DENND5A: variants seen among roughly 807,000 people sequenced by gnomAD.
DENND5A encodes DENN domain-containing protein 5A.
A neutral mutation model predicts 140.3 loss-of-function variants in DENND5A; 64 were observed. That is an observed-to-expected ratio of 0.46 (90% CI 0.37 to 0.56). DENND5A has a LOEUF of 0.56. Among genes scored for constraint, DENND5A ranks in the 20% least tolerant of loss-of-function variants. The pLI, the probability that DENND5A is intolerant of heterozygous loss-of-function variation, is 0.00. For synonymous variants in DENND5A, 605 were observed against 607.7 expected (o/e 1.00, Z 0.07); for missense variants, 1,292 against 1,593.8 (o/e 0.81, Z 3.22).
intron 1 of DENND5A, among the ~76,000 whole-genome samples, chr11:9,221,931 A>G (rs1449642057): frequency 3.3e-5 from 5 of 151,616 alleles, no homozygotes; most frequent in Non-Finnish European, 7.4e-5. Context: ...CTAATTTTTT[A>G]TATTTTTAGT....
intron 1 of DENND5A, among the ~76,000 whole-genome samples, chr11:9,254,034 T>C (rs577459004): frequency 1.3e-5 from 2 of 151,776 alleles, no homozygotes; most frequent in East Asian, 3.9e-4. Flanking sequence ...CGCATGCCTA[T>C]AATCCCAGCT....
chr11:9,264,140 G>A (rs1852336483), intron 1 of DENND5A, among the ~76,000 whole-genome samples: 2 of 152,096 alleles, frequency 1.3e-5, no homozygotes, highest in Admixed American at 6.5e-5. Flanking sequence ...CAGTGCAGTG[G>A]AAAATTCACG....
intron 19 of DENND5A, 103 bp downstream of exon 19, chr11:9,143,994 A>G: frequency 7.3e-7 from 1 of 1,362,374 alleles, no homozygotes; most frequent in Non-Finnish European, 1.0e-6. Context: ...TTCCTGAGGC[A>G]GCTGCACAGG....
At chr11:9,203,561 G>A (rs963527620) in intron 4 of DENND5A, 99 bp downstream of exon 4, 20 of 1,402,704 alleles carry the variant, frequency 1.4e-5, no homozygotes, top group Non-Finnish European at 1.1e-5. Context: ...TGCTCAAACT[G>A]TAATAGCTCT....
At chr11:9,169,781 G>T in intron 10 of DENND5A, 75 bp downstream of exon 10, 1 of 971,126 alleles carries the variant, frequency 1.0e-6, no homozygotes, top group Non-Finnish European at 1.7e-6. Context: ...TCAGACCAGA[G>T]AACAGGAAAT....
intron 1 of DENND5A, among the ~76,000 whole-genome samples, chr11:9,247,850 A>G (rs1038274431): frequency 6.6e-6 from 1 of 152,206 alleles, no homozygotes; most frequent in Non-Finnish European, 1.5e-5. Flanking sequence ...TTTCCCCCAC[A>G]AAAGACAGCT....
intron 17 of DENND5A, 44 bp from the exon 18 acceptor site, chr11:9,145,157 G>C (rs568582370): frequency 1.4e-6 from 2 of 1,394,500 alleles, no homozygotes; most frequent in Non-Finnish European, 2.0e-6. Flanking sequence ...GAAAATCAGA[G>C]AAAAGAACAG....
At chr11:9,193,179 G>A (rs991560453) in intron 5 of DENND5A, among the ~76,000 whole-genome samples, 2 of 152,260 alleles carry the variant, frequency 1.3e-5, no homozygotes, top group Middle Eastern at 3.4e-3. Context: ...AGTAAGCTAC[G>A]ATCATGCTAC....
In DENND5A at chr11:9,220,446, C is replaced by G. The variant is rs1262034454; in HGVS notation, c.110-12814G>C. On this transcript the variant is annotated intron_variant, in intron 1 of 22. Transcript: ENST00000328194. ...CCCGTAATCCCAGCTACTTGGGAAG[C>G]TGAGGCAGGAGAATCACTTGAACCC... 2.7e-4 allele frequency among the ~76,000 whole-genome samples: 41 copies of G among 152,088 alleles called. 1 individual carries two copies. Among genetic ancestry groups the G allele is most frequent in the Admixed American group, 2.7e-3 (41 of 15,246 alleles).
intron 18 of DENND5A, among the ~76,000 whole-genome samples, chr11:9,144,712 C>T (rs112360242): frequency 0.015 from 2,350 of 151,662 alleles, 64 homozygotes; most frequent in African/African-American, 0.053. Context: ...TCGCCTCAGC[C>T]CAGGAGGCAC....
At chr11:9,169,534 TCA>T (rs1049660302) in intron 10 of DENND5A, among the ~76,000 whole-genome samples, 27 of 133,238 alleles carry the variant, frequency 2.0e-4, no homozygotes, top group African/African-American at 7.6e-4. Context: ...CACACAAAAC[TCA>T]CACCAATTTT....
chr11:9,154,744 A>G (rs1370489189), intron 12 of DENND5A, among the ~76,000 whole-genome samples: 1 of 152,102 alleles, frequency 6.6e-6, no homozygotes, highest in Admixed American at 6.5e-5. Flanking sequence ...AAAAATGTCT[A>G]ACAACATTAA....
intron 4 of DENND5A, among the ~76,000 whole-genome samples, chr11:9,195,570 A>G (rs1195829999): frequency 6.6e-6 from 1 of 152,212 alleles, no homozygotes; most frequent in Non-Finnish European, 1.5e-5. Flanking sequence ...CATTTAAATC[A>G]CAGCTTGGTT....
chr11:9,263,036 C>G (rs756540740), intron 1 of DENND5A, among the ~76,000 whole-genome samples: 1 of 152,042 alleles, frequency 6.6e-6, no homozygotes, highest in East Asian at 2.0e-4. Flanking sequence ...CCACCGCGCC[C>G]GGCCTAAAAC....
intron 1 of DENND5A, among the ~76,000 whole-genome samples, chr11:9,236,222 CAAA>C (rs140163795): frequency 3.4e-5 from 3 of 88,010 alleles, no homozygotes; most frequent in Non-Finnish European, 2.5e-5. Context: ...GACCCTGTCT[CAAA>C]AAAAAAAAAA....
chr11:9,214,070 G>A (rs1849991554), intron 1 of DENND5A, among the ~76,000 whole-genome samples: 1 of 152,146 alleles, frequency 6.6e-6, no homozygotes, highest in Admixed American at 6.6e-5. Flanking sequence ...ACCAACCACG[G>A]TCATCAACTG....
intron 12 of DENND5A, among the ~76,000 whole-genome samples, chr11:9,157,273 G>A (rs770825801): frequency 2.0e-5 from 3 of 152,098 alleles, no homozygotes; most frequent in Admixed American, 6.6e-5. Context: ...CTTATCACAC[G>A]CCAGGTATTT....
At chr11:9,224,621 G>A (rs1850454785) in intron 1 of DENND5A, among the ~76,000 whole-genome samples, 1 of 152,066 alleles carries the variant, frequency 6.6e-6, no homozygotes, top group Non-Finnish European at 1.5e-5. Context: ...AGCACTTTGG[G>A]AGGCTGAGGC....
chr11:9,166,600 G>A (rs1275805204), intron 10 of DENND5A, among the ~76,000 whole-genome samples: 2 of 152,108 alleles, frequency 1.3e-5, no homozygotes, highest in Admixed American at 6.6e-5. Context: ...TTGGGAGGCT[G>A]AGGTGGGTGG....
Sources: allele counts gnomAD v4.1 joint callset (sites outside exome capture counted in the v4.1 genomes callset), GRCh38; gene constraint gnomAD v4.1.1; transcripts MANE v1.5; gene names NCBI Gene and HGNC (gene_info 2026-07-23, HGNC 2026-07-21).